The following IGSF9B variants were observed in gnomAD, a reference collection of about 807,000 sequenced individuals.
IGSF9B encodes protein turtle homolog B.
IGSF9B carries 48 observed loss-of-function variants against 143.7 expected under a neutral mutation model. The observed-to-expected ratio is 0.33, with a 90% CI of 0.26 to 0.42. The LOEUF is 0.42. Among genes scored for constraint, IGSF9B ranks in the 20% least tolerant of loss-of-function variants. IGSF9B has a pLI of 1.00. For missense variants in IGSF9B, 1,706 were observed against 1,980.0 expected (o/e 0.86, Z 2.63); for synonymous variants, 903 against 833.1 (o/e 1.08, Z -1.44).
In IGSF9B at chr11:133,949,080, C is replaced by A. The variant is rs543541311; in HGVS notation, c.65-2822G>T. Among the ~76,000 whole-genome samples the A allele has an allele frequency of 1.4e-4, 21 of 152,260 alleles. No homozygotes were observed. In the East Asian group the frequency reaches 2.5e-3, roughly 18 times the overall value. On this transcript the variant is annotated intron_variant, in intron 1 of 19. Coordinates refer to ENST00000533871, the MANE Select transcript of IGSF9B (RefSeq NM_001277285.4). Reference sequence around the variant, plus strand: ...AAGCGCTGAGCACCCAACCCAAGGCCTACCTCCAAGGCAGGCCGTCCCCTC... The same window carrying A: ...AAGCGCTGAGCACCCAACCCAAGGCATACCTCCAAGGCAGGCCGTCCCCTC...
Position 133,902,561 on chromosome 11 carries a change from A to ACACCAGACATG in IGSF9B, c.*6507_*6508insCATGTCTGGTG, listed in dbSNP as rs1939155496. On this transcript the variant is annotated 3_prime_UTR_variant, in exon 20 of 20. Transcript: ENST00000533871. ...TATACCACACACACCACATACACAC[A>ACACCAGACATG]CACACCCCACACACACACACACACA... Among the ~76,000 whole-genome samples, 1 of 117,252 alleles carries ACACCAGACATG rather than the reference A, an allele frequency of 8.5e-6. No individual in the cohort carries two copies. The highest frequency in any genetic ancestry group is 8.1e-5 in the Admixed American group (1 of 12,360). 76.9% of individuals were successfully genotyped at this position (117,252 alleles called of 152,430 possible).
In IGSF9B at chr11:133,931,601, G is replaced by T. The variant is rs749797174; in HGVS notation, c.1252-32C>A. On this transcript the variant is annotated intron_variant, in intron 9 of 19. Transcript: ENST00000533871. The surrounding 1 kb of genome is among the most constrained non-coding windows in gnomAD (Gnocchi z 7.7). The stretch of plus-strand genomic sequence containing the variant: ...AGGAAAGCACAGGCACCCTCGTGAG[G>T]CCGGGGATCCAGGTGCCCAGCTCAT... The T allele has an allele frequency of 6.2e-7, 1 of 1,609,812 alleles. No individual in the cohort carries two copies. The highest frequency in any genetic ancestry group is 8.5e-7 in the Non-Finnish European group (1 of 1,177,226).
intron 7 of IGSF9B, among the ~76,000 whole-genome samples, chr11:133,934,859 G>A (rs1398854588): frequency 6.6e-6 from 1 of 152,238 alleles, no homozygotes; most frequent in Admixed American, 6.5e-5. Context: ...GGGAAATGAG[G>A]GAGAGTCTGT....
intron 17 of IGSF9B, among the ~76,000 whole-genome samples, chr11:133,921,825 T>A (rs556258580): frequency 2.0e-5 from 3 of 152,212 alleles, no homozygotes; most frequent in African/African-American, 7.2e-5. Flanking sequence ...ACAAGCAAGC[T>A]CACTTTAATA....
intron 18 of IGSF9B, among the ~76,000 whole-genome samples, chr11:133,918,601 AGCCC>A (rs1939441445): frequency 6.6e-6 from 1 of 151,722 alleles, no homozygotes; most frequent in Admixed American, 6.5e-5. Context: ...GCCCCGGAGC[AGCCC>A]GCGGTGGGGC....
chr11:133,918,835 C>T (rs542770757), intron 18 of IGSF9B, among the ~76,000 whole-genome samples: 25 of 144,234 alleles, frequency 1.7e-4, no homozygotes, highest in East Asian at 1.3e-3. Flanking sequence ...GGGCGGGGGA[C>T]GGGGTATCCG....
chr11:133,935,139 C>T (rs905534257), intron 7 of IGSF9B, among the ~76,000 whole-genome samples: 1 of 152,328 alleles, frequency 6.6e-6, no homozygotes, highest in East Asian at 1.9e-4. Context: ...CCAGAGGGAG[C>T]AGGCGCAGGA....
At chr11:133,917,232 G>A (rs1471563688) in intron 18 of IGSF9B, among the ~76,000 whole-genome samples, 2 of 152,330 alleles carry the variant, frequency 1.3e-5, no homozygotes, top group Admixed American at 1.3e-4. Context: ...TCCGTGGCGA[G>A]CGGCAGCACC....
chr11:133,936,471 G>A (rs1939826572), intron 5 of IGSF9B, among the ~76,000 whole-genome samples: 1 of 152,116 alleles, frequency 6.6e-6, no homozygotes, highest in Admixed American at 6.5e-5. Context: ...AGGGAGAAAG[G>A]CAACTCTTTT....
In IGSF9B at chr11:133,921,063, C is replaced by T. The variant is rs1200938554; in HGVS notation, c.2662G>A (p.Glu888Lys). Residue 888 changes from glutamate to lysine, a missense_variant, in exon 18 of 20, where the codon GAG (glutamate) becomes AAG (lysine). Physicochemically the swap from Glu to Lys is moderately conservative, Grantham distance 56. This residue lies in a region of IGSF9B where 880 missense variants were observed against 762.9 expected (regional missense o/e 1.15). Coordinates refer to ENST00000533871, the MANE Select transcript of IGSF9B (RefSeq NM_001277285.4). ...TTCTCCTCGTCCGACTGGCGGAACT[C>T]GGGGTACATGTCCGTCTCCTCGGCG... ...PFAEETDMYPEFRQSDEENED... is the reference protein window; with the variant it reads ...PFAEETDMYPKFRQSDEENED... The T allele has an allele frequency of 1.9e-6, 3 of 1,613,756 alleles. No individual in the cohort carries two copies. Among genetic ancestry groups the T allele is most frequent in the Admixed American group, 1.7e-5 (1 of 60,004 alleles).
chr11:133,937,633 T>G (rs1591720796), intron 4 of IGSF9B, 140 bp from the exon 5 acceptor site: 1 of 989,872 alleles, frequency 1.0e-6, no homozygotes, highest in African/African-American at 1.6e-5. Flanking sequence ...GAAGGGCAGG[T>G]GCCCCCTTGC....
In IGSF9B at chr11:133,907,342, C is replaced by T. The variant is rs1029348390; in HGVS notation, c.*1727G>A. Among the ~76,000 whole-genome samples the T allele has an allele frequency of 3.9e-5, 6 of 152,242 alleles. No individual in the cohort carries two copies. The highest frequency in any genetic ancestry group is 1.4e-4 in the African/African-American group (6 of 41,458). ...TCCAAGGCCTCATCCTGCGAGGTCA[C>T]TGGGCCAAGCCCATGGCAGCTGCAT... On this transcript the variant is annotated 3_prime_UTR_variant, in exon 20 of 20. Transcript: ENST00000533871.
intron 7 of IGSF9B, among the ~76,000 whole-genome samples, chr11:133,934,104 T>TTTTC (rs1939780506): frequency 6.6e-6 from 1 of 152,066 alleles, no homozygotes. Flanking sequence ...ACCCCCTGGA[T>TTTTC]TTTCTTTGAA....
intron 3 of IGSF9B, among the ~76,000 whole-genome samples, chr11:133,940,489 CAT>C (rs1378033552): frequency 1.5e-5 from 2 of 137,512 alleles, no homozygotes; most frequent in Admixed American, 1.5e-4. Context: ...CATACAGAAA[CAT>C]ACACCTTGCA....
chr11:133,919,129 T>TGGGTG, intron 18 of IGSF9B: 1 of 174,382 alleles, frequency 5.7e-6, no homozygotes, highest in South Asian at 4.1e-5. Flanking sequence ...GGGGGGGGGG[T>TGGGTG]GGGGGACGTG....
chr11:133,911,474 C>A (rs1388681930), intron 19 of IGSF9B, among the ~76,000 whole-genome samples: 1 of 152,090 alleles, frequency 6.6e-6, no homozygotes, highest in Non-Finnish European at 1.5e-5. Context: ...GAGTTATGTG[C>A]AAGGTGAAAT....
Position 133,919,869 on chromosome 11 carries a change from G to A in IGSF9B, c.3856C>T (p.Pro1286Ser). The change falls in exon 18 of 20, where the codon CCA (proline) becomes TCA (serine). Residue 1286 changes from proline to serine, a missense_variant. By Grantham distance (74) the Pro-to-Ser change is moderately conservative. Around this residue, in one of 7 missense-constraint regions of IGSF9B, gnomAD observed 880 missense variants for 762.9 expected, o/e 1.15. Transcript: ENST00000533871. ...TTLATGYPSP[P>S]PGPAPAGPGD... is the part of the protein sequence containing the mutation. ...GGCCCAGCAGGGGCGGGGCCGGGTG[G>A]AGGGGAAGGGTAGCCGGTGGCCAGA... 2 of 1,587,246 alleles carry A rather than the reference G, an allele frequency of 1.3e-6. No individual in the cohort carries two copies. The highest frequency in any genetic ancestry group is 1.7e-6 in the Non-Finnish European group (2 of 1,165,938).
chr11:133,919,666 G>C (rs1939472203), intron 18 of IGSF9B, 76 bp downstream of exon 18: 5 of 960,116 alleles, frequency 5.2e-6, no homozygotes, highest in Non-Finnish European at 5.8e-6. Flanking sequence ...CGGATGGACG[G>C]GGTGGAGGGC....
At chr11:133,956,238 C>G (rs1346144106) in intron 1 of IGSF9B, among the ~76,000 whole-genome samples, 1 of 152,034 alleles carries the variant, frequency 6.6e-6, no homozygotes, top group African/African-American at 2.4e-5. Flanking sequence ...AGGGATCCTC[C>G]GGGTCGCGCC....
Sources: allele counts gnomAD v4.1 joint callset (sites outside exome capture counted in the v4.1 genomes callset), GRCh38; gene constraint gnomAD v4.1.1; regional missense constraint gnomAD v4.1.1; non-coding constraint Gnocchi (gnomAD v3.1); transcripts MANE v1.5; gene names NCBI Gene and HGNC (gene_info 2026-07-23, HGNC 2026-07-21).